MAPK10: variants seen among roughly 807,000 people sequenced by gnomAD.
The protein encoded by MAPK10 is mitogen-activated protein kinase 10.
A neutral mutation model predicts 59.3 loss-of-function variants in MAPK10; 25 were observed. The ratio of observed to expected loss-of-function variants is 0.42; its 90% CI spans 0.31 to 0.59. The LOEUF (loss-of-function observed/expected upper bound fraction) is 0.59. Among genes scored for constraint, MAPK10 ranks in the 20% least tolerant of loss-of-function variants. The pLI, the probability that MAPK10 is intolerant of heterozygous loss-of-function variation, is 0.15. For synonymous variants in MAPK10, 190 were observed against 200.5 expected (o/e 0.95, Z 0.44); for missense variants, 351 against 568.9 (o/e 0.62, Z 3.90).
intron 3 of MAPK10, among the ~76,000 whole-genome samples, chr4:86,177,278 T>C (rs769587991): frequency 6.4e-4 from 97 of 152,146 alleles, no homozygotes; most frequent in Middle Eastern, 6.8e-3. Context: ...ATACAAACCA[T>C]ATCATTTGTT....
chr4:86,211,324 A>G (rs2085744392), intron 2 of MAPK10, among the ~76,000 whole-genome samples: 1 of 152,116 alleles, frequency 6.6e-6, no homozygotes, highest in African/African-American at 2.4e-5. Flanking sequence ...GAATATTGAA[A>G]GCAGTGAGAA....
intron 4 of MAPK10, among the ~76,000 whole-genome samples, chr4:86,114,497 C>T (rs1017243628): frequency 6.6e-6 from 1 of 152,222 alleles, no homozygotes; most frequent in Non-Finnish European, 1.5e-5. Flanking sequence ...GTCCCTCCTG[C>T]ACTTGGAGGT....
At chr4:86,208,309 T>C (rs553723541) in intron 2 of MAPK10, among the ~76,000 whole-genome samples, 2 of 150,426 alleles carry the variant, frequency 1.3e-5, no homozygotes, top group African/African-American at 5.0e-5. Flanking sequence ...TAGACCAATA[T>C]CCTTGATGAA....
intron 4 of MAPK10, among the ~76,000 whole-genome samples, chr4:86,136,011 G>C (rs1214230459): frequency 2.6e-5 from 4 of 152,124 alleles, no homozygotes; most frequent in Non-Finnish European, 5.9e-5. Context: ...AATGAACAAA[G>C]CTTCCAAGAA....
chr4:86,078,990 C>T (rs1190776720), intron 9 of MAPK10, among the ~76,000 whole-genome samples: 1 of 151,632 alleles, frequency 6.6e-6, no homozygotes, highest in Non-Finnish European at 1.5e-5. Context: ...ACTTTGTCCC[C>T]CACCCCCCCA....
chr4:86,115,882 A>G (rs2058227429), intron 4 of MAPK10, among the ~76,000 whole-genome samples: 1 of 152,214 alleles, frequency 6.6e-6, no homozygotes, highest in African/African-American at 2.4e-5. Flanking sequence ...TCTTACACTA[A>G]TATGTCAGCA....
chr4:86,170,005 C>A (rs974633789), intron 3 of MAPK10, among the ~76,000 whole-genome samples: 1 of 152,028 alleles, frequency 6.6e-6, no homozygotes, highest in African/African-American at 2.4e-5. Context: ...TTACAGAAAG[C>A]AAATGCTGAG....
At chr4:86,103,086 T>TGG in intron 6 of MAPK10, 100 bp downstream of exon 6, 2 of 719,970 alleles carry the variant, frequency 2.8e-6, no homozygotes, top group South Asian at 3.1e-5. Flanking sequence ...TGTGTGTGTG[T>TGG]GTGTGTGTGT....
At chr4:86,183,550 T>A (rs1257995851) in intron 3 of MAPK10, among the ~76,000 whole-genome samples, 2 of 152,058 alleles carry the variant, frequency 1.3e-5, no homozygotes, top group Non-Finnish European at 2.9e-5. Flanking sequence ...TGTTGGACAT[T>A]TGGGTTGGTT....
chr4:86,296,707 G>T (rs1206402791), intron 2 of MAPK10, among the ~76,000 whole-genome samples: 4 of 152,036 alleles, frequency 2.6e-5, no homozygotes, highest in Non-Finnish European at 5.9e-5. Context: ...CTAAAAAGAA[G>T]AAAAGCATAG....
chr4:86,459,180 A>T (rs545780869), intron 1 of MAPK10, among the ~76,000 whole-genome samples: 33 of 152,386 alleles, frequency 2.2e-4, no homozygotes. Context: ...ATCACTAGTG[A>T]TCAGGGAAAT....
chr4:86,080,486 A>G (rs573622934), intron 9 of MAPK10: 4 of 152,094 alleles, frequency 2.6e-5, no homozygotes, highest in African/African-American at 9.6e-5. Context: ...TAACTAAACT[A>G]TATTTCAGGT....
chr4:86,358,987 C>A (rs1735869489), intron 1 of MAPK10: 1 of 152,054 alleles, frequency 6.6e-6, no homozygotes. Context: ...TTATCTCTAA[C>A]CTGACCCCTG....
chr4:86,267,965 C>T (rs539282730), intron 2 of MAPK10, among the ~76,000 whole-genome samples: 1 of 152,314 alleles, frequency 6.6e-6, no homozygotes, highest in East Asian at 1.9e-4. Context: ...GCAAGTCTCT[C>T]TATTTTCTTT....
At chr4:86,522,406 TG>T (rs1280846055) in intron 1 of MAPK10, among the ~76,000 whole-genome samples, 43 of 152,328 alleles carry the variant, frequency 2.8e-4, no homozygotes, top group Admixed American at 2.8e-3. Context: ...TTAATTTTCA[TG>T]TTCAAGAGTT....
intron 1 of MAPK10, among the ~76,000 whole-genome samples, chr4:86,550,544 C>G (rs1415122565): frequency 6.6e-6 from 1 of 151,870 alleles, no homozygotes; most frequent in African/African-American, 2.4e-5. Context: ...ACTAAAAATA[C>G]AAAAATTAGC....
chr4:86,011,182 T>C lies in MAPK10; in HGVS notation c.*6046A>G, dbSNP rs1005394115. 1.3e-5 allele frequency: 2 copies of C among 152,256 alleles called. No individual in the cohort carries two copies. The highest frequency in any genetic ancestry group is 2.9e-5 in the Non-Finnish European group (2 of 68,046). The allele number at this position is 152,256 out of a possible 1,614,324, so 9.4% of individuals were successfully genotyped here. On this transcript the variant is annotated 3_prime_UTR_variant, in exon 14 of 14. Transcript: ENST00000641462. ...TAGTGCCTTAAACAGACTACAATGATGTAAATGGTTGAACAGTTGAAATTT... is the reference window on the plus strand; with the variant it reads ...TAGTGCCTTAAACAGACTACAATGACGTAAATGGTTGAACAGTTGAAATTT...
chr4:86,414,296 C>T (rs1408433962), intron 1 of MAPK10, among the ~76,000 whole-genome samples: 1 of 152,108 alleles, frequency 6.6e-6, no homozygotes, highest in African/African-American at 2.4e-5. Context: ...TTACCCCCAG[C>T]TCCAGGAATG....
At chr4:86,242,593 G>A (rs992730158) in intron 2 of MAPK10, among the ~76,000 whole-genome samples, 1 of 152,162 alleles carries the variant, frequency 6.6e-6, no homozygotes, top group Non-Finnish European at 1.5e-5. Flanking sequence ...AGGAAGGATG[G>A]GTCAGGGTTA....
Sources: gnomAD v4.1 joint callset for allele counts (sites outside exome capture counted in the v4.1 genomes callset) on GRCh38, gnomAD v4.1.1 for gene constraint, MANE v1.5 for transcripts, NCBI Gene and HGNC (gene_info 2026-07-23, HGNC 2026-07-21) for gene names.